The following CYFIP2 variants were observed in gnomAD, a reference collection of about 807,000 sequenced individuals.
CYFIP2 encodes cytoplasmic FMR1-interacting protein 2.
In CYFIP2, 29 loss-of-function variants were observed where a neutral mutation model predicts 158.7. The observed-to-expected ratio is 0.18, with a 90% CI of 0.14 to 0.25. CYFIP2 has a LOEUF of 0.25. Ranked by LOEUF, CYFIP2 falls within the 10% of genes least tolerant of loss-of-function variation. The pLI, the probability that CYFIP2 is intolerant of heterozygous loss-of-function variation, is 1.00. For synonymous variants in CYFIP2, 585 were observed against 617.6 expected (o/e 0.95, Z 0.78); for missense variants, 852 against 1,639.5 (o/e 0.52, Z 8.29).
chr5:157,358,297 G>A (rs1459079551), intron 23 of CYFIP2, among the ~76,000 whole-genome samples: 2 of 152,308 alleles, frequency 1.3e-5, no homozygotes, highest in East Asian at 1.9e-4. Context: ...CAATGGTGGT[G>A]GCCAGGTCTG....
At chr5:157,359,448 A>C (rs1763648022) in intron 24 of CYFIP2, among the ~76,000 whole-genome samples, 2 of 152,148 alleles carry the variant, frequency 1.3e-5, no homozygotes, top group African/African-American at 2.4e-5. Flanking sequence ...CTTGCCACTG[A>C]CTGCTCATCC....
chr5:157,379,270 T>G (rs1765798690), intron 26 of CYFIP2, among the ~76,000 whole-genome samples: 1 of 152,076 alleles, frequency 6.6e-6, no homozygotes, highest in African/African-American at 2.4e-5. Flanking sequence ...TATACTTACA[T>G]CTCTACTGCT....
At chr5:157,288,326 G>A (rs1038021430) in intron 3 of CYFIP2, among the ~76,000 whole-genome samples, 4 of 152,184 alleles carry the variant, frequency 2.6e-5, no homozygotes, top group African/African-American at 9.7e-5. Context: ...CTGATCACCT[G>A]TTAAAGATCC....
intron 13 of CYFIP2, 96 bp from the exon 14 acceptor site, chr5:157,319,666 T>C (rs1760431338): frequency 1.3e-5 from 19 of 1,479,906 alleles, no homozygotes; most frequent in Non-Finnish European, 1.6e-5. Flanking sequence ...CCTCTGGACA[T>C]CTCACTCCCC....
intron 23 of CYFIP2, chr5:157,343,371 G>A (rs1290797080): frequency 5.6e-6 from 9 of 1,614,072 alleles, no homozygotes; most frequent in African/African-American, 5.3e-5. Context: ...CTGATCGTTC[G>A]AGGCACCTTC....
chr5:157,270,932 CAA>C (rs1046679864), intron 1 of CYFIP2, among the ~76,000 whole-genome samples: 3 of 152,076 alleles, frequency 2.0e-5, no homozygotes, highest in African/African-American at 7.2e-5. Flanking sequence ...TGCTATGGGT[CAA>C]ACTCAGATAA....
chr5:157,391,640 G>T (rs1767299704), intron 30 of CYFIP2, among the ~76,000 whole-genome samples: 1 of 152,098 alleles, frequency 6.6e-6, no homozygotes, highest in African/African-American at 2.4e-5. Context: ...GTATAATATT[G>T]CATTGTGTAT....
intron 1 of CYFIP2, among the ~76,000 whole-genome samples, chr5:157,274,059 C>T (rs758536750): frequency 4.0e-5 from 6 of 150,508 alleles, no homozygotes; most frequent in African/African-American, 1.2e-4. Context: ...CGTTTGAACC[C>T]GGCAGAGGTT....
At chr5:157,300,643 C>T in intron 5 of CYFIP2, 72 bp from the exon 6 acceptor site, 1 of 1,277,542 alleles carries the variant, frequency 7.8e-7, no homozygotes. Flanking sequence ...CTGAGGAGGG[C>T]CCTAGAGGAG....
chr5:157,307,648 T>TGTGTGTGTGC (rs1455467212), intron 8 of CYFIP2, 113 bp from the exon 9 acceptor site: 1 of 606,848 alleles, frequency 1.6e-6, no homozygotes, highest in East Asian at 2.8e-5. Flanking sequence ...TGTGTGTGTG[T>TGTGTGTGTGC]GTGTGTGTAT....
intron 26 of CYFIP2, among the ~76,000 whole-genome samples, chr5:157,379,668 C>CAAAAAAAAAAAAAAAAAA (rs70984468): frequency 1.4e-5 from 1 of 73,636 alleles, no homozygotes; most frequent in African/African-American, 5.2e-5. Flanking sequence ...GACCCTGTCT[C>CAAAAAAAAAAAAAAAAAA]AAAAAAAAAA....
Position 157,323,835 on chromosome 5 carries a change from A to T in CYFIP2, c.1672-86A>T, listed in dbSNP as rs2113128021. 17 of 1,389,810 alleles carry T rather than the reference A, an allele frequency of 1.2e-5. 1 individual carries two copies. Among genetic ancestry groups the T allele is most frequent in the Non-Finnish European group, 1.6e-5 (17 of 1,061,102 alleles). The allele number at this position is 1,389,810 out of a possible 1,614,324, so 86.1% of individuals were successfully genotyped here. A position where few individuals can be genotyped will look rare whatever the true frequency, so the allele number is the denominator to read the frequency against. Reference sequence around the variant, plus strand: ...AGAGCAGACATCTGCAGAAAAAAAAAAATACATAAATACAACATGAAGCAA... The same window carrying T: ...AGAGCAGACATCTGCAGAAAAAAAATAATACATAAATACAACATGAAGCAA... On this transcript the variant is annotated intron_variant, in intron 15 of 30. Transcript: ENST00000620254.
Position 157,323,933 on chromosome 5 carries a change from C to A in CYFIP2, c.1684C>A (p.Arg562=). 6.3e-7 allele frequency: 1 copy of A among 1,587,864 alleles called. No individual in the cohort carries two copies. Among genetic ancestry groups the A allele is most frequent in the Non-Finnish European group, 8.6e-7 (1 of 1,165,860 alleles). Reference sequence around the variant, plus strand: ...TTTCTTTTTCAAGCTGTACATGGTGCGGACCATGCTTGAATCACTCATTGC... The same window carrying A: ...TTTCTTTTTCAAGCTGTACATGGTGAGGACCATGCTTGAATCACTCATTGC... ...GPSSTQLYMV[R]TMLESLIADK... is the part of the protein sequence containing the mutation. The change falls in exon 16 of 31, where the codon CGG becomes AGG. Residue 562 remains arginine, a synonymous_variant. Transcript: ENST00000620254.
chr5:157,377,666 A>G (rs79623693), intron 26 of CYFIP2, among the ~76,000 whole-genome samples: 1 of 152,230 alleles, frequency 6.6e-6, no homozygotes, highest in Non-Finnish European at 1.5e-5. Context: ...TGAAAGAATG[A>G]CAATCTCTGG....
chr5:157,336,382 C>A (rs981112379), intron 21 of CYFIP2, among the ~76,000 whole-genome samples: 6 of 152,186 alleles, frequency 3.9e-5, no homozygotes, highest in African/African-American at 1.4e-4. Context: ...TGGAAGAAAT[C>A]AAATAAAACT....
chr5:157,304,579 A>G (rs1759059278), intron 8 of CYFIP2: 2 of 467,472 alleles, frequency 4.3e-6, no homozygotes, highest in South Asian at 3.8e-5. Context: ...CTACAATGTT[A>G]TGTGTAATGA....
chr5:157,372,884 T>C (rs951963232), intron 26 of CYFIP2, among the ~76,000 whole-genome samples: 68 of 152,036 alleles, frequency 4.5e-4, no homozygotes, highest in Non-Finnish European at 1.3e-4. Context: ...GCTTCAGGAA[T>C]ACTAACAGAG....
intron 5 of CYFIP2, among the ~76,000 whole-genome samples, chr5:157,298,048 T>A (rs1187368973): frequency 6.6e-6 from 1 of 152,212 alleles, no homozygotes; most frequent in South Asian, 2.1e-4. Context: ...TGGTTGGGCC[T>A]CTCAGGCCCG....
intron 5 of CYFIP2, among the ~76,000 whole-genome samples, chr5:157,300,013 G>T (rs1205218033): frequency 6.6e-6 from 1 of 152,178 alleles, no homozygotes; most frequent in Non-Finnish European, 1.5e-5. Context: ...CTAGAATGGT[G>T]CCTGGCACAT....
Sources: gnomAD v4.1 joint callset for allele counts (sites outside exome capture counted in the v4.1 genomes callset) on GRCh38, gnomAD v4.1.1 for gene constraint, MANE v1.5 for transcripts, NCBI Gene and HGNC (gene_info 2026-07-23, HGNC 2026-07-21) for gene names.